Variants in BIRC6 observed in about 807,000 individuals in gnomAD.
BIRC6 encodes dual E2 ubiquitin-conjugating enzyme/E3 ubiquitin-protein ligase BIRC6.
A neutral mutation model predicts 503.3 loss-of-function variants in BIRC6; 98 were observed. The observed-to-expected ratio is 0.19, with a 90% CI of 0.17 to 0.23. The LOEUF (loss-of-function observed/expected upper bound fraction) is 0.23. Among genes scored for constraint, BIRC6 ranks in the 10% least tolerant of loss-of-function variants. The probability of loss-of-function intolerance (pLI) is 1.00; values close to 1 mark genes in which losing one functional copy is unlikely to be tolerated. For synonymous variants in BIRC6, 2,240 were observed against 2,078.7 expected (o/e 1.08, Z -2.11); for missense variants, 5,360 against 5,806.0 (o/e 0.92, Z 2.50).
intron 21 of BIRC6, among the ~76,000 whole-genome samples, chr2:32,447,665 TC>T: frequency 1.9e-5 from 1 of 52,492 alleles, no homozygotes; most frequent in Admixed American, 2.1e-4. Context: ...TGACCCCCCC[TC>T]CCCCCTCCCG....
chr2:32,418,075 CAGT>C (rs2042572496), intron 10 of BIRC6, among the ~76,000 whole-genome samples: 1 of 152,168 alleles, frequency 6.6e-6, no homozygotes, highest in Non-Finnish European at 1.5e-5. Context: ...CCACTGTACC[CAGT>C]GAAATTTCTG....
At position 32,442,162 on chromosome 2, in the gene BIRC6, G is replaced by A; in HGVS notation, c.4042G>A (p.Ala1348Thr). 2 of 1,611,582 alleles carry A rather than the reference G, an allele frequency of 1.2e-6. No homozygotes were observed. Among genetic ancestry groups the A allele is most frequent in the Non-Finnish European group, 1.7e-6 (2 of 1,179,210 alleles). The change falls in exon 18 of 74, where the codon GCC (alanine) becomes ACC (threonine). Residue 1348 changes from alanine (A) to threonine (T), a missense_variant. By Grantham distance (58) the Ala-to-Thr change is moderately conservative. Transcript: ENST00000421745. ...AGATGATGGCCAGATCACAGAACAT[G>A]CCCAGAGCCTTGTGTTGGATACTCT... The part of the protein sequence containing the change: ...KTDDGQITEH[A>T]QSLVLDTLCW...
chr2:32,516,515 C>CA (rs540024426), intron 55 of BIRC6, among the ~76,000 whole-genome samples: 1,423 of 50,688 alleles, frequency 0.028, 29 homozygotes, highest in African/African-American at 0.076. Context: ...GACTCTGTCT[C>CA]AAAAAAAAAA....
intron 65 of BIRC6, among the ~76,000 whole-genome samples, chr2:32,570,757 C>G (rs943552375): frequency 2.0e-5 from 3 of 152,114 alleles, no homozygotes; most frequent in Non-Finnish European, 2.9e-5. Context: ...CCTTGGCCTC[C>G]CAAAGTGCTG....
At position 32,518,327 on chromosome 2, in the gene BIRC6, T is replaced by C; in HGVS notation, c.11423T>C (p.Ile3808Thr). ...ACATCTGGGAACATTTCAGGGTTTA[T>C]ACGAAGATTATTTTTACAGTTGATG... ...LPTSGNISGF[I>T]RRLFLQLMLE... Residue 3808 changes from isoleucine (I) to threonine (T), a missense_variant, in exon 56 of 74, where the codon ATA (isoleucine) becomes ACA (threonine). By Grantham distance (89) the Ile-to-Thr change is moderately conservative. This residue lies in a region of BIRC6 where 878 missense variants were observed against 928.9 expected (regional missense o/e 0.95). Transcript: ENST00000421745. 1 of 1,611,108 alleles carries C rather than the reference T, an allele frequency of 6.2e-7. No homozygotes were observed. The highest frequency in any genetic ancestry group is 8.5e-7 in the Non-Finnish European group (1 of 1,179,250).
rs1333484284 is a variant in BIRC6 at position 32,485,731 on chromosome 2, A to C, written c.7785A>C (p.Leu2595Phe). The change falls in exon 40 of 74, where the codon TTA becomes TTC. Residue 2595 changes from leucine to phenylalanine, a missense_variant. Around this residue, in one of 16 missense-constraint regions of BIRC6, gnomAD observed 2,299 missense variants for 2,267.2 expected, o/e 1.01. Coordinates refer to ENST00000421745, the MANE Select transcript of BIRC6 (RefSeq NM_016252.4). The part of the protein sequence containing the change: ...MMSTLEADSI[L>F]QALTNTSPTL... ...CTACTCTGGAGGCAGATTCCATTTT[A>C]CAGGCATTAACAAATACATCTCCTA... 1.2e-6 allele frequency: 2 copies of C among 1,611,578 alleles called. No homozygotes were observed. Among genetic ancestry groups the C allele is most frequent in the African/African-American group, 1.3e-5 (1 of 74,902 alleles).
chr2:32,433,511 G>A (rs2044365252), intron 12 of BIRC6, 133 bp from the exon 13 acceptor site: 2 of 658,830 alleles, frequency 3.0e-6, no homozygotes, highest in Non-Finnish European at 4.9e-6. Flanking sequence ...TTTCTCTCTT[G>A]ATCCCATTGA....
At chr2:32,381,927 A>G (rs938986163) in intron 3 of BIRC6, among the ~76,000 whole-genome samples, 69 of 151,524 alleles carry the variant, frequency 4.6e-4, no homozygotes, top group Middle Eastern at 3.4e-3. Context: ...TAGTAGTTGC[A>G]TTGAATTTTT....
chr2:32,582,431 AT>A (rs2060736797), intron 66 of BIRC6, among the ~76,000 whole-genome samples: 1 of 152,080 alleles, frequency 6.6e-6, no homozygotes, highest in South Asian at 2.1e-4. Flanking sequence ...TATTGCAGCC[AT>A]ATCACTGAAC....
chr2:32,394,803 C>A (rs1305050995), intron 5 of BIRC6, among the ~76,000 whole-genome samples: 1 of 152,100 alleles, frequency 6.6e-6, no homozygotes, highest in Non-Finnish European at 1.5e-5. Flanking sequence ...GCACTCCAGT[C>A]TGAGACTCTG....
rs1039296046 is a variant in BIRC6, at chr2:32,499,564, G to A, written c.8486G>A (p.Gly2829Asp). ...LSTERGAFQT[G>D]QGPLDAQVKL... ...CTCTGCAGGGGTGCTTTCCAGACAGGCCAAGGACCTCTCGATGCCCAAGTG... is the reference window on the plus strand; with the variant it reads ...CTCTGCAGGGGTGCTTTCCAGACAGACCAAGGACCTCTCGATGCCCAAGTG... The change falls in exon 46 of 74, where the codon GGC becomes GAC. Residue 2829 changes from glycine to aspartate, a missense_variant. This residue lies in a region of BIRC6 where 2,299 missense variants were observed against 2,267.2 expected (regional missense o/e 1.01). Transcript: ENST00000421745. 5 of 1,608,852 alleles carry A rather than the reference G, an allele frequency of 3.1e-6. No individual in the cohort carries two copies. The highest frequency in any genetic ancestry group is 1.1e-5 in the South Asian group (1 of 90,452).
intron 26 of BIRC6, among the ~76,000 whole-genome samples, chr2:32,465,614 T>C (rs2048461372): frequency 6.6e-6 from 1 of 152,204 alleles, no homozygotes; most frequent in Non-Finnish European, 1.5e-5. Flanking sequence ...TGAGTTTGTC[T>C]TCTGCTTATA....
At chr2:32,572,973 A>C (rs2060018832) in intron 65 of BIRC6, among the ~76,000 whole-genome samples, 1 of 152,140 alleles carries the variant, frequency 6.6e-6, no homozygotes, top group African/African-American at 2.4e-5. Flanking sequence ...CTTAATCCCC[A>C]TATAGCTCTG....
Position 32,467,770 on chromosome 2 carries a change from G to A in BIRC6, c.5571+31G>A, listed in dbSNP as rs75168555. ...GAACTTTAAGAAAGTAAATTGATAC[G>A]CTTTCTATGTTTCTGACAAGTTATG... On this transcript the variant is annotated intron_variant, in intron 27 of 73. Transcript: ENST00000421745. 3.0e-3 allele frequency: 4,695 copies of A among 1,554,212 alleles called. 32 individuals carry two copies. In the Middle Eastern group the frequency reaches 0.035, roughly 12 times the overall value.
intron 66 of BIRC6, among the ~76,000 whole-genome samples, chr2:32,579,646 A>G (rs1387152158): frequency 6.6e-6 from 1 of 152,136 alleles, no homozygotes; most frequent in Non-Finnish European, 1.5e-5. Flanking sequence ...CTATGATTTT[A>G]CCACTGCATT....
intron 5 of BIRC6, among the ~76,000 whole-genome samples, chr2:32,394,828 A>T: frequency 6.6e-6 from 1 of 151,922 alleles, no homozygotes; most frequent in Non-Finnish European, 1.5e-5. Flanking sequence ...TTTAAAAGAG[A>T]AAGTTTTAAA....
rs540572039 is a variant in BIRC6, at chr2:32,368,530, A to T, written c.326-9058A>T. Among the ~76,000 whole-genome samples the T allele has an allele frequency of 4.6e-5, 7 of 152,244 alleles. No individual in the cohort carries two copies. In the South Asian group the frequency reaches 1.5e-3, roughly 32 times the overall value. On this transcript the variant is annotated intron_variant, in intron 1 of 73. Transcript: ENST00000421745. ...ACTCCAGCCTAGGTGACATAGCGAG[A>T]CTTTGTCCCCCACACCAAATAAATA...
chr2:32,503,514 C>G (rs1292005021), intron 49 of BIRC6, among the ~76,000 whole-genome samples: 1 of 152,142 alleles, frequency 6.6e-6, no homozygotes, highest in East Asian at 1.9e-4. Flanking sequence ...ACCTCTGCCT[C>G]CTGGGTTCAA....
chr2:32,422,212 G>A (rs1431472338), intron 10 of BIRC6, among the ~76,000 whole-genome samples: 1 of 147,382 alleles, frequency 6.8e-6, no homozygotes, highest in East Asian at 1.9e-4. Flanking sequence ...CATATAATTA[G>A]GTCTTGCTTT....
Sources: gnomAD v4.1 joint callset for allele counts (sites outside exome capture counted in the v4.1 genomes callset) on GRCh38, gnomAD v4.1.1 for gene constraint, gnomAD v4.1.1 regional missense constraint, MANE v1.5 for transcripts, NCBI Gene and HGNC (gene_info 2026-07-23, HGNC 2026-07-21) for gene names.